Variants in KANSL3 observed in about 807,000 individuals in gnomAD.
KANSL3 encodes the protein NSL complex protein NSL3.
In KANSL3, 16 loss-of-function variants were observed where a neutral mutation model predicts 89.2. The observed-to-expected ratio is 0.18, with a 90% CI of 0.12 to 0.27. The LOEUF (loss-of-function observed/expected upper bound fraction) is 0.27, where lower values mean the gene tolerates loss of function less well. Among genes scored for constraint, KANSL3 ranks in the 10% least tolerant of loss-of-function variants. The pLI, the probability that KANSL3 is intolerant of heterozygous loss-of-function variation, is 1.00. For missense variants in KANSL3, 879 were observed against 1,110.6 expected, an observed-to-expected ratio of 0.79 and a Z score of 2.96; for synonymous variants, 385 against 419.7, an observed-to-expected ratio of 0.92 and a Z score of 1.01.
intron 5 of KANSL3, 101 bp from the exon 6 acceptor site, chr2:96,613,720 C>G (rs879758426): frequency 2.7e-6 from 3 of 1,099,592 alleles, no homozygotes; most frequent in Non-Finnish European, 3.9e-6. Flanking sequence ...AAGCCATAGA[C>G]AGACTTCAAC....
chr2:96,601,264 T>C lies in KANSL3; in HGVS notation c.2616+379A>G, dbSNP rs1047692131. 5 of 959,068 alleles carry C rather than the reference T, an allele frequency of 5.2e-6. No individual in the cohort carries two copies. The African/African-American group carries it at 7.1e-5, about 14-fold the overall frequency. 59.4% of individuals were successfully genotyped at this position (959,068 alleles called of 1,614,324 possible). A position where few individuals can be genotyped will look rare whatever the true frequency, so the allele number is the denominator to read the frequency against. On this transcript the variant is annotated intron_variant, in intron 20 of 20. Coordinates refer to ENST00000431828, the MANE Select transcript of KANSL3 (RefSeq NM_001115016.3). ...GCTTGGGCGATAGAGCAAGACTCCATCTCAAAAAATAAAAATAAAAACAAA... is the reference window on the plus strand; with the variant it reads ...GCTTGGGCGATAGAGCAAGACTCCACCTCAAAAAATAAAAATAAAAACAAA...
At chr2:96,624,984 T>C (rs2072035277) in intron 3 of KANSL3, among the ~76,000 whole-genome samples, 1 of 152,006 alleles carries the variant, frequency 6.6e-6, no homozygotes, top group African/African-American at 2.4e-5. Context: ...GGAGGGCGGA[T>C]CACCTGAGGT....
At chr2:96,630,816 A>C (rs1489493170) in intron 3 of KANSL3, among the ~76,000 whole-genome samples, 1 of 152,220 alleles carries the variant, frequency 6.6e-6, no homozygotes, top group Non-Finnish European at 1.5e-5. Flanking sequence ...ATACTCGTGA[A>C]AATAGGCTTC....
At chr2:96,583,610 T>C in the KANSL3 span, among the ~76,000 whole-genome samples, 1 of 152,260 alleles carries the variant, frequency 6.6e-6, no homozygotes, top group African/African-American at 2.4e-5. Flanking sequence ...CATTACCAAA[T>C]AGTGTTCCAC....
At chr2:96,627,480 G>A (rs1398891152) in intron 3 of KANSL3, among the ~76,000 whole-genome samples, 1 of 152,334 alleles carries the variant, frequency 6.6e-6, no homozygotes, top group African/African-American at 2.4e-5. Flanking sequence ...CTCCCAAAGT[G>A]CTGGGATTAC....
At chr2:96,618,212 T>C (rs558578689) in intron 5 of KANSL3, among the ~76,000 whole-genome samples, 1 of 141,426 alleles carries the variant, frequency 7.1e-6, no homozygotes, top group South Asian at 2.1e-4. Flanking sequence ...TTCTTTCTCT[T>C]CTCTCTCTCT....
intron 14 of KANSL3, 119 bp from the exon 15 acceptor site, chr2:96,605,630 T>G: frequency 1.2e-6 from 1 of 812,032 alleles, no homozygotes; most frequent in Non-Finnish European, 2.0e-6. Context: ...ATAACCACTC[T>G]ACGTACAGGG....
In KANSL3 at chr2:96,609,075, G is replaced by C. The variant is rs2068449661; in HGVS notation, c.1384-11C>G. Reference sequence around the variant, plus strand: ...GTCCACAATCTCATCCTAGTGTAGAGAGGAGCCAACCAAGGCCTTTTAGTC... The same window carrying C: ...GTCCACAATCTCATCCTAGTGTAGACAGGAGCCAACCAAGGCCTTTTAGTC... On this transcript the variant is annotated splice_polypyrimidine_tract_variant and intron_variant, in intron 12 of 20. Coordinates refer to ENST00000431828, the MANE Select transcript of KANSL3 (RefSeq NM_001115016.3). The C allele has an allele frequency of 9.0e-6, 14 of 1,553,824 alleles. No homozygotes were observed. The highest frequency in any genetic ancestry group is 1.2e-5 in the Non-Finnish European group (14 of 1,148,130).
At chr2:96,605,700 G>T in intron 14 of KANSL3, 189 bp from the exon 15 acceptor site, 1 of 452,884 alleles carries the variant, frequency 2.2e-6, no homozygotes, top group African/African-American at 2.0e-5. Context: ...CCTGTCCGTG[G>T]GGGACCCCAC....
intron 2 of KANSL3, among the ~76,000 whole-genome samples, chr2:96,636,165 A>G (rs377428869): frequency 6.6e-6 from 1 of 152,102 alleles, no homozygotes; most frequent in Non-Finnish European, 1.5e-5. Context: ...ATTAAAAACA[A>G]ACAGACAAAA....
intron 19 of KANSL3, 146 bp from the exon 20 acceptor site, chr2:96,601,922 C>G: frequency 7.5e-7 from 1 of 1,326,304 alleles, no homozygotes; most frequent in Non-Finnish European, 1.0e-6. Context: ...ATCAGTCAAT[C>G]TGAAAGGCAA....
intron 3 of KANSL3, among the ~76,000 whole-genome samples, chr2:96,629,112 T>G (rs1425574196): frequency 6.6e-6 from 1 of 152,208 alleles, no homozygotes; most frequent in Non-Finnish European, 1.5e-5. Flanking sequence ...TAAGAGACAA[T>G]GCATTTGAAG....
intron 1 of KANSL3, among the ~76,000 whole-genome samples, chr2:96,637,729 AGTTCT>A (rs1435423365): frequency 6.6e-6 from 1 of 152,230 alleles, no homozygotes. Context: ...GCGAAACAAA[AGTTCT>A]GTTAAGTACT....
chr2:96,591,923 C>G (rs1260518176), downstream of KANSL3, among the ~76,000 whole-genome samples: 1 of 152,166 alleles, frequency 6.6e-6, no homozygotes, highest in Non-Finnish European at 1.5e-5. Flanking sequence ...CCTTTCAGAG[C>G]TATTTTGGTG....
At chr2:96,636,832 C>T in intron 2 of KANSL3, 89 bp downstream of exon 2, 6 of 1,115,568 alleles carry the variant, frequency 5.4e-6, no homozygotes, top group Non-Finnish European at 7.5e-6. Flanking sequence ...TACAATCTCC[C>T]CCAGTCAATC....
intron 5 of KANSL3, chr2:96,615,183 A>AAAAAAAAAAAAAAAAAAAAAC (rs2069804893): frequency 6.6e-6 from 1 of 151,720 alleles, no homozygotes; most frequent in African/African-American, 2.4e-5. Context: ...AAAAAAAAAA[A>AAAAAAAAAAAAAAAAAAAAAC]AAAAAGACAA....
chr2:96,584,628 A>G, the KANSL3 span, among the ~76,000 whole-genome samples: 1 of 152,272 alleles, frequency 6.6e-6, no homozygotes, highest in East Asian at 1.9e-4. Context: ...GAGAACACGC[A>G]GTATTTTTCT....
At position 96,605,479 on chromosome 2, in the gene KANSL3, C is replaced by T. The variant is rs200967455; in HGVS notation, c.1774G>A (p.Glu592Lys). The change falls in exon 15 of 21, where the codon GAG becomes AAG. Residue 592 changes from glutamate (E) to lysine (K), a missense_variant. Physicochemically the swap from Glu to Lys is moderately conservative, Grantham distance 56. Coordinates refer to ENST00000431828, the MANE Select transcript of KANSL3 (RefSeq NM_001115016.3). ...AGCTGAACCCTAAGATCCTCTTTCTCTCCTTCCTCTGGTGGTTCTGATGAA... is the reference window on the plus strand; with the variant it reads ...AGCTGAACCCTAAGATCCTCTTTCTTTCCTTCCTCTGGTGGTTCTGATGAA... ...PISSEPPEEG[E>K]KEDLRVQLKR... The T allele has an allele frequency of 7.3e-5, 118 of 1,613,734 alleles. No homozygotes were observed. Among genetic ancestry groups the T allele is most frequent in the Non-Finnish European group, 8.5e-6 (10 of 1,179,782 alleles).
At position 96,612,668 on chromosome 2, in the gene KANSL3, A is replaced by C. The variant is rs2105492917; in HGVS notation, c.913-105T>G. ...AAACCTTGGAATTCCACATGAAAGA[A>C]GGATTAGAGGAGGCTCCACATGAAA... On this transcript the variant is annotated intron_variant, in intron 7 of 20. Coordinates refer to ENST00000431828, the MANE Select transcript of KANSL3 (RefSeq NM_001115016.3). The C allele has an allele frequency of 2.6e-6, 3 of 1,145,226 alleles. No individual in the cohort carries two copies. The South Asian group carries it at 4.1e-5, about 16-fold the overall frequency. The allele number at this position is 1,145,226 out of a possible 1,614,324, so 70.9% of individuals were successfully genotyped here. A position where few individuals can be genotyped will look rare whatever the true frequency, so the allele number is the denominator to read the frequency against.
Sources: allele counts gnomAD v4.1 joint callset (sites outside exome capture counted in the v4.1 genomes callset), GRCh38; gene constraint gnomAD v4.1.1; transcripts MANE v1.5; gene names NCBI Gene and HGNC (gene_info 2026-07-23, HGNC 2026-07-21).